Variants in ABCA1 observed in about 807,000 individuals in gnomAD.
ABCA1 encodes phospholipid-transporting ATPase ABCA1.
In ABCA1, 133 loss-of-function variants were observed where a neutral mutation model predicts 262.5. That is an observed-to-expected ratio of 0.51 (90% CI 0.44 to 0.59). The LOEUF is 0.59. Among genes scored for constraint, ABCA1 ranks in the 20% least tolerant of loss-of-function variants. The pLI, the probability that ABCA1 is intolerant of heterozygous loss-of-function variation, is 0.00. For missense variants in ABCA1, 2,452 were observed against 2,777.5 expected, an observed-to-expected ratio of 0.88 and a Z score of 2.63; for synonymous variants, 1,022 against 1,043.5, an observed-to-expected ratio of 0.98 and a Z score of 0.40.
At chr9:104,794,794 T>C (rs1290235085) in intron 39 of ABCA1, among the ~76,000 whole-genome samples, 1 of 152,180 alleles carries the variant, frequency 6.6e-6, no homozygotes, top group African/African-American at 2.4e-5. Flanking sequence ...CTAGATTTAA[T>C]TAAAGCAAAT....
chr9:104,861,994 A>G (rs1198529965), intron 5 of ABCA1, among the ~76,000 whole-genome samples, 194 bp from the exon 6 acceptor site: 3 of 151,946 alleles, frequency 2.0e-5, no homozygotes, highest in Admixed American at 2.0e-4. Flanking sequence ...TTCTGGTAAC[A>G]TGTTGAGCCA....
rs1588300266 is a variant in ABCA1, at chr9:104,821,322, T to C, written c.2960+53A>G. 3.1e-6 allele frequency: 5 copies of C among 1,601,564 alleles called. No homozygotes were observed. In the East Asian group the frequency reaches 1.1e-4, roughly 36 times the overall value. ...AAGTCCCACTCCTCCCATGATGGCATGACACACACACATCCAGAAAAGGCC... is the reference window on the plus strand; with the variant it reads ...AAGTCCCACTCCTCCCATGATGGCACGACACACACACATCCAGAAAAGGCC... On this transcript the variant is annotated intron_variant, in intron 20 of 49. Coordinates refer to ENST00000374736, the MANE Select transcript of ABCA1 (RefSeq NM_005502.4).
intron 2 of ABCA1, among the ~76,000 whole-genome samples, chr9:104,901,062 A>G (rs1419079892): frequency 2.0e-5 from 3 of 152,198 alleles, no homozygotes; most frequent in African/African-American, 4.8e-5. Flanking sequence ...GCAAGAAGCA[A>G]CAAGACCAGT....
intron 4 of ABCA1, 52 bp downstream of exon 4, chr9:104,884,375 A>C: frequency 6.2e-7 from 1 of 1,610,682 alleles, no homozygotes; most frequent in South Asian, 1.1e-5. Context: ...CAAGAAAGGA[A>C]GGAAAAGGAT....
chr9:104,794,491 T>C lies in ABCA1; in HGVS notation c.5402A>G (p.Asp1801Gly). 2 of 1,583,404 alleles carry C rather than the reference T, an allele frequency of 1.3e-6. No homozygotes were observed. The highest frequency in any genetic ancestry group is 1.7e-6 in the Non-Finnish European group (2 of 1,163,420). Residue 1801 changes from aspartate to glycine, a missense_variant, in exon 40 of 50, where the codon GAT becomes GGT. Asp to Gly is a moderately conservative substitution (Grantham distance 94, BLOSUM62 -1). Coordinates refer to ENST00000374736, the MANE Select transcript of ABCA1 (RefSeq NM_005502.4). Reference protein sequence around the residue: ...FTDNKLNNINDILKSVFLIFP... With the variant: ...FTDNKLNNINGILKSVFLIFP... Reference sequence around the variant, plus strand: ...GATCAAGAACACGGACTTCAGGATATCATTGATATTATTCAGCTTCTAAAA... The same window carrying C: ...GATCAAGAACACGGACTTCAGGATACCATTGATATTATTCAGCTTCTAAAA...
Position 104,793,402 on chromosome 9 carries a change from A to C in ABCA1, c.5507-102T>G, listed in dbSNP as rs1829603192. 2.1e-6 allele frequency: 3 copies of C among 1,438,936 alleles called. No homozygotes were observed. The African/African-American group carries it at 4.2e-5, about 20-fold the overall frequency. The allele number at this position is 1,438,936 out of a possible 1,614,324, so 89.1% of individuals were successfully genotyped here. On this transcript the variant is annotated intron_variant, in intron 40 of 49. Transcript: ENST00000374736. ...GTTCCTTAAAATTCACCGATCTTCC[A>C]ATAAACACAAATGGCTATCACCCAT... is the stretch of plus-strand genomic sequence containing the variant.
rs201893501 is a variant in ABCA1 at position 104,804,621 on chromosome 9, G to T, written c.4559+5C>A. ...CGGCAGGGGCCAAGTTTAGTAAAAA[G>T]TCACCTTTTGGCTATGATCTGCACA... On this transcript the variant is annotated splice_donor_5th_base_variant and intron_variant, in intron 32 of 49. Transcript: ENST00000374736. 3.5e-5 allele frequency: 56 copies of T among 1,613,454 alleles called. 1 individual carries two copies. In the South Asian group the frequency reaches 5.3e-4, roughly 15 times the overall value.
rs143311192 is a variant in ABCA1 at position 104,832,688 on chromosome 9, C to T, written c.1395G>A (p.Ala465=). The T allele has an allele frequency of 4.7e-5, 76 of 1,614,178 alleles. No individual in the cohort carries two copies. The highest frequency in any genetic ancestry group is 3.5e-4 in the South Asian group (32 of 91,078). ...GLDWTAQDIV[A]FLAKHPEDVQ... Reference sequence around the variant, plus strand: ...CATCCTCTGGGTGCTTGGCCAAAAACGCCACGATGTCTTGGGCTGTCCAAT... The same window carrying T: ...CATCCTCTGGGTGCTTGGCCAAAAATGCCACGATGTCTTGGGCTGTCCAAT... Residue 465 remains alanine (A), a synonymous_variant, in exon 12 of 50, where the codon GCG becomes GCA. Coordinates refer to ENST00000374736, the MANE Select transcript of ABCA1 (RefSeq NM_005502.4).
intron 1 of ABCA1, among the ~76,000 whole-genome samples, chr9:104,912,930 G>A (rs1841589317): frequency 6.6e-6 from 1 of 152,158 alleles, no homozygotes; most frequent in Admixed American, 6.5e-5. Context: ...AACACAAGCA[G>A]GCAAGCCTCT....
At chr9:104,837,398 G>A (rs370766212) in intron 10 of ABCA1, 30 bp downstream of exon 10, 10 of 1,613,712 alleles carry the variant, frequency 6.2e-6, no homozygotes, top group Middle Eastern at 1.6e-4. Flanking sequence ...GAGATTCTGG[G>A]GAGGGAGTCT....
intron 39 of ABCA1, among the ~76,000 whole-genome samples, 185 bp from the exon 40 acceptor site, chr9:104,794,695 A>G (rs928643889): frequency 6.6e-5 from 10 of 152,206 alleles, no homozygotes; most frequent in Non-Finnish European, 5.9e-5. Context: ...GGCATAGCTG[A>G]TGATATGTAG....
chr9:104,797,574 C>T (rs372517950), intron 37 of ABCA1, among the ~76,000 whole-genome samples: 4 of 151,994 alleles, frequency 2.6e-5, no homozygotes, highest in African/African-American at 7.2e-5. Flanking sequence ...CTTTTGAAAA[C>T]GGACATTCAC....
At chr9:104,919,508 A>G (rs1409642344) in intron 1 of ABCA1, among the ~76,000 whole-genome samples, 1 of 152,044 alleles carries the variant, frequency 6.6e-6, no homozygotes, top group Non-Finnish European at 1.5e-5. Context: ...GCTACTCAGG[A>G]GGTTGAGGCA....
chr9:104,834,081 CATT>C (rs1325073879), intron 11 of ABCA1, among the ~76,000 whole-genome samples: 1 of 149,990 alleles, frequency 6.7e-6, no homozygotes, highest in Non-Finnish European at 1.5e-5. Flanking sequence ...GTTTCACTAA[CATT>C]ATAAGCTTTT....
chr9:104,893,748 G>A (rs1453492954), intron 2 of ABCA1, among the ~76,000 whole-genome samples: 1 of 152,184 alleles, frequency 6.6e-6, no homozygotes, highest in African/African-American at 2.4e-5. Context: ...GCGGGGTTGA[G>A]ATGAGCAGCC....
At chr9:104,816,079 T>A in intron 25 of ABCA1, 64 bp downstream of exon 25, 1 of 1,543,994 alleles carries the variant, frequency 6.5e-7, no homozygotes, top group Non-Finnish European at 9.0e-7. Flanking sequence ...CAATGCAGGC[T>A]ACTGGTCTGG....
intron 18 of ABCA1, among the ~76,000 whole-genome samples, chr9:104,822,918 G>A (rs1324246965): frequency 6.6e-6 from 1 of 152,132 alleles, no homozygotes; most frequent in African/African-American, 2.4e-5. Flanking sequence ...AATTAAAATA[G>A]AGGATGCTGA....
At position 104,788,056 on chromosome 9, in the gene ABCA1, TA is replaced by T. The variant is rs750728670; in HGVS notation, c.6070-3del. ...TTTCCGAATCGCCCACTCACCAACC[TA>T]CAGTGATAAAAAGCACCTTGACTTT... On this transcript the variant is annotated splice_region_variant and splice_polypyrimidine_tract_variant and intron_variant, in intron 45 of 49. Coordinates refer to ENST00000374736, the MANE Select transcript of ABCA1 (RefSeq NM_005502.4). The T allele has an allele frequency of 6.2e-7, 1 of 1,614,140 alleles. No individual in the cohort carries two copies.
chr9:104,825,992 A>T, intron 16 of ABCA1, 105 bp from the exon 17 acceptor site: 1 of 1,156,044 alleles, frequency 8.7e-7, no homozygotes, highest in Non-Finnish European at 1.3e-6. Context: ...TGCAAAATGG[A>T]TCAATCATAA....
Sources: allele counts gnomAD v4.1 joint callset (sites outside exome capture counted in the v4.1 genomes callset), GRCh38; gene constraint gnomAD v4.1.1; transcripts MANE v1.5; gene names NCBI Gene and HGNC (gene_info 2026-07-23, HGNC 2026-07-21).